Variants in PDE4D observed in about 807,000 individuals in gnomAD.
PDE4D encodes the protein phosphodiesterase 4D.
Under a neutral mutation model 87.4 loss-of-function variants are expected in PDE4D, and 24 were observed. The observed-to-expected ratio is 0.27, with a 90% CI of 0.20 to 0.39. The LOEUF (loss-of-function observed/expected upper bound fraction) is 0.39. PDE4D is among the 10% of genes least tolerant of loss of function. PDE4D has a pLI of 1.00. For synonymous variants in PDE4D, 384 were observed against 383.2 expected (o/e 1.00, Z -0.02); for missense variants, 714 against 1,041.0 (o/e 0.69, Z 4.32).
intron 5 of PDE4D, among the ~76,000 whole-genome samples, chr5:59,120,757 C>T (rs1370648150): frequency 6.6e-6 from 1 of 151,876 alleles, no homozygotes; most frequent in Admixed American, 6.6e-5. Context: ...GAATATATCA[C>T]ACTACCTGAC....
At position 59,592,166 on chromosome 5, in the gene PDE4D, G is replaced by C. The variant is rs13173224; in HGVS notation, c.455+301002C>G. 774 of 981,690 alleles carry C rather than the reference G, an allele frequency of 7.9e-4. 3 individuals carry two copies. Among genetic ancestry groups the C allele is most frequent in the Non-Finnish European group, 8.5e-4 (700 of 826,654 alleles). 60.8% of individuals were successfully genotyped at this position (981,690 alleles called of 1,614,324 possible). On this transcript the variant is annotated intron_variant, in intron 1 of 14. Coordinates refer to ENST00000340635, the MANE Select transcript of PDE4D (RefSeq NM_001104631.2). The stretch of plus-strand genomic sequence containing the variant: ...AAGCCAATCCCCCAGGAACAGAACA[G>C]TGTCTTCTTCTCTATATTTATAACA...
At chr5:59,757,549 G>T (rs1193895029) in intron 1 of PDE4D, among the ~76,000 whole-genome samples, 1 of 152,124 alleles carries the variant, frequency 6.6e-6, no homozygotes, top group Non-Finnish European at 1.5e-5. Context: ...AGGTAAGATG[G>T]GTCTTGGTCC....
intron 1 of PDE4D, among the ~76,000 whole-genome samples, chr5:60,410,308 T>C (rs562712633): frequency 1.3e-5 from 2 of 152,006 alleles, no homozygotes; most frequent in African/African-American, 4.8e-5. Flanking sequence ...GTCCAGACTT[T>C]TCTCTCCCAC....
At chr5:60,423,600 C>T (rs754421798) in intron 1 of PDE4D, among the ~76,000 whole-genome samples, 1 of 151,904 alleles carries the variant, frequency 6.6e-6, no homozygotes, top group Non-Finnish European at 1.5e-5. Context: ...CAGGAAAGAT[C>T]TAAAATCGAC....
rs73106864 is a variant in PDE4D at position 59,216,509 on chromosome 5, A to G, written c.456-541T>C. On this transcript the variant is annotated intron_variant, in intron 1 of 14. Transcript: ENST00000340635. ...CCTATATTATTATAACAACCTTTAT[A>G]TTAGTGTCTTGAATCCATTTTCCAG... Among the ~76,000 whole-genome samples the G allele has an allele frequency of 4.4e-3, 673 of 152,228 alleles. 5 individuals carry two copies. The highest frequency in any genetic ancestry group is 0.015 in the African/African-American group (639 of 41,550).
intron 1 of PDE4D, among the ~76,000 whole-genome samples, chr5:59,483,629 G>T (rs568379967): frequency 2.0e-5 from 3 of 152,218 alleles, no homozygotes; most frequent in African/African-American, 4.8e-5. Flanking sequence ...GTTTTGTGTG[G>T]CTCATTGCAA....
intron 1 of PDE4D, among the ~76,000 whole-genome samples, chr5:59,781,070 G>T (rs1169731480): frequency 2.6e-5 from 4 of 151,034 alleles, no homozygotes; most frequent in African/African-American, 4.9e-5. Context: ...GGATGCTGAG[G>T]CAGGAGAATC....
intron 1 of PDE4D, among the ~76,000 whole-genome samples, chr5:60,236,281 G>A (rs973460682): frequency 5.9e-5 from 9 of 151,722 alleles, no homozygotes; most frequent in African/African-American, 2.2e-4. Flanking sequence ...TTTGTGAATG[G>A]CCCCTGCTAA....
At chr5:60,403,633 T>C (rs1741279110) in intron 1 of PDE4D, among the ~76,000 whole-genome samples, 1 of 152,198 alleles carries the variant, frequency 6.6e-6, no homozygotes, top group Non-Finnish European at 1.5e-5. Context: ...TCCCCCATTT[T>C]ACAGACAGGG....
intron 1 of PDE4D, among the ~76,000 whole-genome samples, chr5:60,314,201 C>G (rs1255568418): frequency 2.7e-5 from 4 of 150,534 alleles, no homozygotes; most frequent in African/African-American, 7.3e-5. Flanking sequence ...GAGTCTTGCT[C>G]TGTCACCCAG....
chr5:59,743,875 TAG>T (rs1759221589), intron 1 of PDE4D, among the ~76,000 whole-genome samples: 1 of 152,024 alleles, frequency 6.6e-6, no homozygotes. Context: ...TAGGACTCAG[TAG>T]AGAGTACTAT....
intron 2 of PDE4D, among the ~76,000 whole-genome samples, chr5:60,037,984 T>C (rs944266109): frequency 6.6e-6 from 1 of 152,098 alleles, no homozygotes; most frequent in African/African-American, 2.4e-5. Flanking sequence ...TTTGGAAAAA[T>C]TTAGGTGGCT....
chr5:59,454,598 C>G (rs1254767414), intron 1 of PDE4D, among the ~76,000 whole-genome samples: 2 of 152,100 alleles, frequency 1.3e-5, no homozygotes. Flanking sequence ...ATAGAGTAAA[C>G]TGGTACCAGT....
chr5:60,161,032 G>T (rs987916498), intron 2 of PDE4D, among the ~76,000 whole-genome samples: 1 of 152,194 alleles, frequency 6.6e-6, no homozygotes, highest in Non-Finnish European at 1.5e-5. Flanking sequence ...TATCGATTAA[G>T]ATGTCAGATA....
chr5:59,944,351 CTTTT>C (rs1322092199), intron 3 of PDE4D, among the ~76,000 whole-genome samples: 2 of 151,290 alleles, frequency 1.3e-5, no homozygotes, highest in African/African-American at 4.9e-5. Flanking sequence ...TCTGGGCATG[CTTTT>C]TTTTTGTTTT....
chr5:59,560,805 G>A, intron 1 of PDE4D: 1 of 152,210 alleles, frequency 6.6e-6, no homozygotes, highest in East Asian at 1.9e-4. Flanking sequence ...GTCTTAATGG[G>A]ACATGGCAAA....
At chr5:59,877,699 G>A (rs1162045762) in intron 1 of PDE4D, among the ~76,000 whole-genome samples, 1 of 151,656 alleles carries the variant, frequency 6.6e-6, no homozygotes, top group South Asian at 2.1e-4. Context: ...CACAACTCTG[G>A]TCCTAGCTAC....
At chr5:59,132,291 G>A (rs185239028) in intron 5 of PDE4D, among the ~76,000 whole-genome samples, 7 of 152,284 alleles carry the variant, frequency 4.6e-5, no homozygotes, top group Non-Finnish European at 8.8e-5. Flanking sequence ...GGAGATGACA[G>A]GTGAGCCAAG....
At chr5:60,273,688 C>T (rs1057252580) in intron 1 of PDE4D, among the ~76,000 whole-genome samples, 1 of 152,020 alleles carries the variant, frequency 6.6e-6, no homozygotes, top group Admixed American at 6.5e-5. Flanking sequence ...ATCCACAGAT[C>T]CTAACAACAA....
Sources: gnomAD v4.1 joint callset for allele counts (sites outside exome capture counted in the v4.1 genomes callset) on GRCh38, gnomAD v4.1.1 for gene constraint, MANE v1.5 for transcripts, NCBI Gene and HGNC (gene_info 2026-07-23, HGNC 2026-07-21) for gene names.